ANXA13: variants seen among roughly 807,000 people sequenced by gnomAD.
The protein encoded by ANXA13 is annexin A13.
A neutral mutation model predicts 46.6 loss-of-function variants in ANXA13; 36 were observed. That is an observed-to-expected ratio of 0.77 (90% CI 0.59 to 1.02). The LOEUF (loss-of-function observed/expected upper bound fraction) is 1.02. ANXA13 is among the 50% of genes least tolerant of loss of function. The pLI is 0.00. For missense variants in ANXA13, 417 were observed against 396.5 expected (o/e 1.05, Z -0.44); for synonymous variants, 163 against 152.9 (o/e 1.07, Z -0.49).
intron 1 of ANXA13, among the ~76,000 whole-genome samples, chr8:123,725,420 C>G (rs1001453959): frequency 2.0e-5 from 3 of 152,206 alleles, no homozygotes; most frequent in African/African-American, 7.2e-5. Flanking sequence ...TCTCTCAGAA[C>G]AATGTTCTTT....
intron 2 of ANXA13, among the ~76,000 whole-genome samples, chr8:123,703,513 C>T (rs1444042597): frequency 2.0e-5 from 3 of 152,092 alleles, no homozygotes; most frequent in African/African-American, 7.2e-5. Flanking sequence ...AATTATATCT[C>T]AATTAAAATG....
chr8:123,695,845 T>C (rs1035266970), intron 4 of ANXA13, 124 bp from the exon 5 acceptor site: 14 of 823,550 alleles, frequency 1.7e-5, no homozygotes, highest in East Asian at 7.4e-5. Context: ...CCTCTTAAGA[T>C]GGTCATCCCT....
chr8:123,684,285 G>A (rs976040316), intron 10 of ANXA13, among the ~76,000 whole-genome samples: 1 of 152,194 alleles, frequency 6.6e-6, no homozygotes, highest in African/African-American at 2.4e-5. Flanking sequence ...TCTTTCAAGT[G>A]TGTTTGTTTT....
rs201780457 is a variant in ANXA13 at position 123,681,203 on chromosome 8, G to T, written c.*37C>A. On this transcript the variant is annotated 3_prime_UTR_variant, in exon 11 of 11. Transcript: ENST00000419625. ...GATTTGGAATGTGCTCTTGACAAAG[G>T]CGGTTCCACCCTGTGTTCCTATTGC... 1 of 1,562,664 alleles carries T rather than the reference G, an allele frequency of 6.4e-7. No homozygotes were observed. The highest frequency in any genetic ancestry group is 8.7e-7 in the Non-Finnish European group (1 of 1,153,734).
chr8:123,681,350 G>A lies in ANXA13; in HGVS notation c.841C>T (p.Gln281Ter), dbSNP rs1178174849. Residue 281 changes from glutamine (Q) to a stop codon, truncating the protein, a stop_gained, in exon 11 of 11, where the codon CAG (glutamine) becomes TAG (stop). Coordinates refer to ENST00000419625, the MANE Select transcript of ANXA13 (RefSeq NM_004306.4). LOFTEE classifies it high-confidence loss of function. Reference sequence around the variant, plus strand: ...TCTTGGAACTTTGCTTTGATCCCCTGAAGGTCCACCTGTAGAAAAAATAAC... The same window carrying A: ...TCTTGGAACTTTGCTTTGATCCCCTAAAGGTCCACCTGTAGAAAAAATAAC... ...IVVTRAEVDL[Q>*]GIKAKFQEKY... 1 of 1,613,534 alleles carries A rather than the reference G, an allele frequency of 6.2e-7. No individual in the cohort carries two copies. The highest frequency in any genetic ancestry group is 1.1e-5 in the South Asian group (1 of 90,952).
chr8:123,715,928 C>T (rs1032880190), intron 1 of ANXA13, among the ~76,000 whole-genome samples: 2 of 152,034 alleles, frequency 1.3e-5, no homozygotes, highest in Non-Finnish European at 1.5e-5. Flanking sequence ...AGGGGTGAGA[C>T]AAAAGAATGC....
chr8:123,695,590 G>A lies in ANXA13; in HGVS notation c.392-9C>T. The A allele has an allele frequency of 6.2e-7, 1 of 1,613,418 alleles. No individual in the cohort carries two copies. The highest frequency in any genetic ancestry group is 8.5e-7 in the Non-Finnish European group (1 of 1,179,514). On this transcript the variant is annotated splice_polypyrimidine_tract_variant and intron_variant, in intron 5 of 10. Transcript: ENST00000419625. Reference sequence around the variant, plus strand: ...GAGGCTCCTATCAAATACTTCGAAGGAAGTAAACAAGGAGGGAAGAAAGCA... The same window carrying A: ...GAGGCTCCTATCAAATACTTCGAAGAAAGTAAACAAGGAGGGAAGAAAGCA...
In ANXA13 at chr8:123,712,837, A is replaced by G. The variant is rs1813685392; in HGVS notation, c.16-84T>C. Reference sequence around the variant, plus strand: ...GCTAAAATCGGTAGCAAACTGGAGGACCAAATAGTCATCCTAACCAGGGAC... The same window carrying G: ...GCTAAAATCGGTAGCAAACTGGAGGGCCAAATAGTCATCCTAACCAGGGAC... On this transcript the variant is annotated intron_variant, in intron 1 of 10. Transcript: ENST00000419625. 2.5e-6 allele frequency: 3 copies of G among 1,180,590 alleles called. No homozygotes were observed. In the South Asian group the frequency reaches 3.8e-5, roughly 15 times the overall value. 73.1% of individuals were successfully genotyped at this position (1,180,590 alleles called of 1,614,324 possible).
At chr8:123,683,330 A>C (rs1210879772) in intron 10 of ANXA13, among the ~76,000 whole-genome samples, 1 of 152,110 alleles carries the variant, frequency 6.6e-6, no homozygotes, top group Non-Finnish European at 1.5e-5. Flanking sequence ...ATATTTAAAA[A>C]CAGTGTCAGA....
intron 1 of ANXA13, among the ~76,000 whole-genome samples, chr8:123,732,720 A>T (rs1271847481): frequency 7.3e-5 from 11 of 151,376 alleles, no homozygotes. Flanking sequence ...AAAGGCCAAG[A>T]TTGCATAATT....
At chr8:123,696,403 A>G (rs939370326) in intron 4 of ANXA13, among the ~76,000 whole-genome samples, 3 of 152,194 alleles carry the variant, frequency 2.0e-5, no homozygotes, top group African/African-American at 7.2e-5. Flanking sequence ...TCAGTAACAG[A>G]CTGGCTGCGT....
Position 123,693,745 on chromosome 8 carries a change from T to C in ANXA13, c.506A>G (p.Asp169Gly), listed in dbSNP as rs1364735457. The change falls in exon 7 of 11, where the codon GAT becomes GGT. Residue 169 changes from aspartate (D) to glycine (G), a missense_variant. By Grantham distance (94) the Asp-to-Gly change is moderately conservative. Transcript: ENST00000419625. ...ATCTTTGGCATCCTGACCAGCTAGATCTTTGTCCACGTCATCTCCTTCATT... is the reference window on the plus strand; with the variant it reads ...ATCTTTGGCATCCTGACCAGCTAGACCTTTGTCCACGTCATCTCCTTCATT... ...NRNEGDDVDK[D>G]LAGQDAKDLY... 3.7e-6 allele frequency: 6 copies of C among 1,614,072 alleles called. No individual in the cohort carries two copies. The African/African-American group carries it at 8.0e-5, about 22-fold the overall frequency.
chr8:123,721,051 G>A (rs999024068), intron 1 of ANXA13, among the ~76,000 whole-genome samples: 9 of 152,130 alleles, frequency 5.9e-5, no homozygotes, highest in African/African-American at 1.2e-4. Context: ...CTGGTCCCTG[G>A]TAAGTACAGT....
chr8:123,703,046 A>G (rs1813474470), intron 2 of ANXA13, among the ~76,000 whole-genome samples: 1 of 152,174 alleles, frequency 6.6e-6, no homozygotes, highest in Non-Finnish European at 1.5e-5. Context: ...CCACCCAACA[A>G]TTGCATGTGA....
At position 123,684,762 on chromosome 8, in the gene ANXA13, G is replaced by A. The variant is rs574463818; in HGVS notation, c.719-40C>T. On this transcript the variant is annotated intron_variant, in intron 9 of 10. Coordinates refer to ENST00000419625, the MANE Select transcript of ANXA13 (RefSeq NM_004306.4). ...GGAAAAGAGAATGTGAGGCTTTCACGTTTTGTGGAATGACCTTGGGACCCC... is the reference window on the plus strand; with the variant it reads ...GGAAAAGAGAATGTGAGGCTTTCACATTTTGTGGAATGACCTTGGGACCCC... The A allele has an allele frequency of 4.6e-4, 687 of 1,491,374 alleles. 10 individuals are homozygous for A. The South Asian group carries it at 7.3e-3, about 16-fold the overall frequency. The allele number at this position is 1,491,374 out of a possible 1,614,324, so 92.4% of individuals were successfully genotyped here.
At chr8:123,715,924 G>A (rs1450179540) in intron 1 of ANXA13, among the ~76,000 whole-genome samples, 1 of 152,128 alleles carries the variant, frequency 6.6e-6, no homozygotes, top group African/African-American at 2.4e-5. Flanking sequence ...GCTGAGGGGT[G>A]AGACAAAAGA....
intron 1 of ANXA13, among the ~76,000 whole-genome samples, chr8:123,721,143 T>A (rs13270815): frequency 1.3e-5 from 2 of 152,040 alleles, no homozygotes; most frequent in Admixed American, 1.3e-4. Flanking sequence ...TTCTCCCTTA[T>A]TTCACTTAGC....
intron 1 of ANXA13, among the ~76,000 whole-genome samples, chr8:123,714,410 G>A (rs1426948094): frequency 6.6e-6 from 1 of 152,220 alleles, no homozygotes; most frequent in Non-Finnish European, 1.5e-5. Flanking sequence ...TACAGTGAAA[G>A]TGCGTGAGTC....
At chr8:123,699,354 ATTT>A (rs766820453) in intron 3 of ANXA13, among the ~76,000 whole-genome samples, 1 of 151,920 alleles carries the variant, frequency 6.6e-6, no homozygotes, top group Non-Finnish European at 1.5e-5. Flanking sequence ...TAATTTTTAA[ATTT>A]TTTTGTGTAG....
Sources: gnomAD v4.1 joint callset for allele counts (sites outside exome capture counted in the v4.1 genomes callset) on GRCh38, gnomAD v4.1.1 for gene constraint, MANE v1.5 for transcripts, NCBI Gene and HGNC (gene_info 2026-07-23, HGNC 2026-07-21) for gene names.